Variants in TMCO4 observed in about 807,000 individuals in gnomAD.
TMCO4 encodes transmembrane and coiled-coil domain-containing protein 4.
A neutral mutation model predicts 64.7 loss-of-function variants in TMCO4; 58 were observed. The observed-to-expected ratio is 0.90, with a 90% CI of 0.73 to 1.12. The LOEUF (loss-of-function observed/expected upper bound fraction) is 1.12, where lower values mean the gene tolerates loss of function less well. Among genes scored for constraint, TMCO4 ranks in the 50% most tolerant of loss-of-function variants. The pLI, the probability that TMCO4 is intolerant of heterozygous loss-of-function variation, is 0.00. For synonymous variants in TMCO4, 325 were observed against 346.1 expected (o/e 0.94, Z 0.68); for missense variants, 780 against 825.9 (o/e 0.94, Z 0.68).
At position 19,741,075 on chromosome 1, in the gene TMCO4, T is replaced by C. The variant is rs118131280; in HGVS notation, c.878-134A>G. The C allele has an allele frequency of 8.5e-6, 8 of 939,786 alleles. No individual in the cohort carries two copies. In the East Asian group the frequency reaches 2.2e-4, roughly 26 times the overall value. 58.2% of individuals were successfully genotyped at this position (939,786 alleles called of 1,614,324 possible). ...AAGAGGCCCACCCCCTGCCAATGAGTGGCAGCTGTCAGCAGAGCTAGCGGA... is the reference window on the plus strand; with the variant it reads ...AAGAGGCCCACCCCCTGCCAATGAGCGGCAGCTGTCAGCAGAGCTAGCGGA... On this transcript the variant is annotated intron_variant, in intron 10 of 15. Transcript: ENST00000294543.
chr1:19,785,416 G>A (rs143010834), intron 3 of TMCO4, among the ~76,000 whole-genome samples: 19 of 152,118 alleles, frequency 1.2e-4, no homozygotes, highest in African/African-American at 4.6e-4. Flanking sequence ...CTGTGTGTAC[G>A]AGGCAGTTCC....
intron 13 of TMCO4, among the ~76,000 whole-genome samples, chr1:19,702,032 C>T (rs1006474854): frequency 2.0e-5 from 3 of 152,026 alleles, no homozygotes; most frequent in African/African-American, 4.8e-5. Context: ...TGCAGTGGCG[C>T]AATCTCGGCT....
chr1:19,792,261 G>C (rs1335231338), intron 2 of TMCO4, among the ~76,000 whole-genome samples: 1 of 152,208 alleles, frequency 6.6e-6, no homozygotes, highest in Non-Finnish European at 1.5e-5. Context: ...TATAGATATA[G>C]AGTGAGAATA....
chr1:19,773,896 G>T (rs2101037135), intron 4 of TMCO4, among the ~76,000 whole-genome samples: 1 of 152,278 alleles, frequency 6.6e-6, no homozygotes, highest in South Asian at 2.1e-4. Context: ...GGACTCTGAA[G>T]TCCAACCACC....
At chr1:19,772,867 T>C (rs758046089) in intron 4 of TMCO4, among the ~76,000 whole-genome samples, 7 of 151,980 alleles carry the variant, frequency 4.6e-5, no homozygotes, top group Non-Finnish European at 8.8e-5. Flanking sequence ...ACCGAGACCT[T>C]GATGGGAGTT....
chr1:19,757,108 T>C (rs1479045969), intron 6 of TMCO4, among the ~76,000 whole-genome samples: 5 of 143,538 alleles, frequency 3.5e-5, no homozygotes, highest in Admixed American at 1.5e-4. Flanking sequence ...CTGGCCAACA[T>C]GGTGAAACTC....
chr1:19,767,527 T>C (rs2042789151), intron 6 of TMCO4, among the ~76,000 whole-genome samples: 1 of 152,252 alleles, frequency 6.6e-6, no homozygotes, highest in Admixed American at 6.5e-5. Context: ...TGGAGATGTC[T>C]TAGGTGCCCA....
intron 3 of TMCO4, among the ~76,000 whole-genome samples, chr1:19,782,044 C>T (rs956282893): frequency 6.6e-6 from 1 of 152,208 alleles, no homozygotes; most frequent in African/African-American, 2.4e-5. Flanking sequence ...CATATGTCTT[C>T]CCTATGCTCT....
intron 13 of TMCO4, among the ~76,000 whole-genome samples, chr1:19,710,121 T>C (rs1017263205): frequency 1.2e-4 from 18 of 152,016 alleles, no homozygotes; most frequent in African/African-American, 4.3e-4. Context: ...TTTTTTATAT[T>C]TTGAGACCAG....
At chr1:19,748,034 AG>A (rs1164009511) in intron 7 of TMCO4, among the ~76,000 whole-genome samples, 4 of 152,254 alleles carry the variant, frequency 2.6e-5, no homozygotes, top group African/African-American at 9.6e-5. Flanking sequence ...ATCTTTACCA[AG>A]GGCTTCTTAT....
chr1:19,689,069 A>G (rs1451735762), intron 15 of TMCO4, among the ~76,000 whole-genome samples: 1 of 152,066 alleles, frequency 6.6e-6, no homozygotes, highest in Non-Finnish European at 1.5e-5. Context: ...GATGATCACA[A>G]AGGGCCCTGC....
At chr1:19,775,879 T>C (rs1557606409) in intron 4 of TMCO4, among the ~76,000 whole-genome samples, 1 of 152,226 alleles carries the variant, frequency 6.6e-6, no homozygotes, top group Non-Finnish European at 1.5e-5. Flanking sequence ...AGAGCATATC[T>C]GGGCTTTAAA....
chr1:19,770,544 T>A lies in TMCO4; in HGVS notation c.380A>T (p.Asp127Val), dbSNP rs1296186043. 1.9e-6 allele frequency: 3 copies of A among 1,613,750 alleles called. No homozygotes were observed. Among genetic ancestry groups the A allele is most frequent in the Non-Finnish European group, 1.7e-6 (2 of 1,179,850 alleles). ...TQDLLSFSLKDGHYDARARVL... is the reference protein window; with the variant it reads ...TQDLLSFSLKVGHYDARARVL... ...CAGAGCTTAGAAAATCAACTTACCA[T>A]CCTTGAGTGAGAAGCTCAGAAGGTC... Residue 127 changes from aspartate to valine, a missense_variant and splice_region_variant, in exon 6 of 16, where the codon GAT (aspartate) becomes GTT (valine). Transcript: ENST00000294543.
At chr1:19,696,603 G>C (rs1472797446) in intron 14 of TMCO4, among the ~76,000 whole-genome samples, 1 of 151,722 alleles carries the variant, frequency 6.6e-6, no homozygotes, top group Non-Finnish European at 1.5e-5. Context: ...AAAAAAGGAT[G>C]GCTAGAGGGA....
intron 2 of TMCO4, among the ~76,000 whole-genome samples, chr1:19,792,170 T>TAA (rs2044076922): frequency 6.6e-6 from 1 of 152,172 alleles, no homozygotes; most frequent in Admixed American, 6.5e-5. Context: ...ATCAGCAGCA[T>TAA]GAAAATGGAC....
In TMCO4 at chr1:19,700,832, C is replaced by T. The variant is rs1274740362; in HGVS notation, c.1318G>A (p.Glu440Lys). The change falls in exon 14 of 16, where the codon GAA (glutamate) becomes AAA (lysine). Residue 440 changes from glutamate to lysine, a missense_variant. Coordinates refer to ENST00000294543, the MANE Select transcript of TMCO4 (RefSeq NM_181719.7). Reference protein sequence around the residue: ...VILLGAPVEGEAKHWEPFRKV... With the variant: ...VILLGAPVEGKAKHWEPFRKV... ...CGGAAAGGCTCCCAATGCTTGGCTTCTCCCTCCACAGGCGCACCCAGCAGG... is the reference window on the plus strand; with the variant it reads ...CGGAAAGGCTCCCAATGCTTGGCTTTTCCCTCCACAGGCGCACCCAGCAGG... The T allele has an allele frequency of 6.2e-7, 1 of 1,614,140 alleles. No individual in the cohort carries two copies. The highest frequency in any genetic ancestry group is 8.5e-7 in the Non-Finnish European group (1 of 1,180,050).
At chr1:19,693,811 G>T (rs2095216122) in intron 15 of TMCO4, among the ~76,000 whole-genome samples, 1 of 152,120 alleles carries the variant, frequency 6.6e-6, no homozygotes. Flanking sequence ...CTCCACCTGT[G>T]TCCCCTGCTT....
At chr1:19,758,163 G>C (rs1450873095) in intron 6 of TMCO4, among the ~76,000 whole-genome samples, 1 of 152,152 alleles carries the variant, frequency 6.6e-6, no homozygotes, top group Non-Finnish European at 1.5e-5. Flanking sequence ...TTGAGGTTTC[G>C]GCTTCTGCAA....
chr1:19,783,662 C>A (rs943566552), intron 3 of TMCO4, among the ~76,000 whole-genome samples: 2 of 152,184 alleles, frequency 1.3e-5, no homozygotes, highest in African/African-American at 4.8e-5. Context: ...TTCCCTCTTA[C>A]AACCGAGGAA....
Sources: allele counts gnomAD v4.1 joint callset (sites outside exome capture counted in the v4.1 genomes callset), GRCh38; gene constraint gnomAD v4.1.1; transcripts MANE v1.5; gene names NCBI Gene and HGNC (gene_info 2026-07-23, HGNC 2026-07-21).